KCNT2: variants seen among roughly 807,000 people sequenced by gnomAD.
KCNT2 encodes the protein potassium channel subfamily T member 2.
Under a neutral mutation model 153.8 loss-of-function variants are expected in KCNT2, and 67 were observed. The observed-to-expected ratio is 0.44, with a 90% CI of 0.36 to 0.53. The LOEUF is 0.53. KCNT2 is among the 20% of genes least tolerant of loss of function. The pLI is 0.00. For synonymous variants in KCNT2, 500 were observed against 458.8 expected (o/e 1.09, Z -1.15); for missense variants, 975 against 1,354.8 (o/e 0.72, Z 4.40).
intron 1 of KCNT2, among the ~76,000 whole-genome samples, chr1:196,590,619 G>A (rs1663227484): frequency 6.6e-6 from 1 of 152,132 alleles, no homozygotes; most frequent in South Asian, 2.1e-4. Flanking sequence ...TTTTTGGTGA[G>A]GAGGTTGGGG....
At chr1:196,306,254 T>C (rs988818197) in intron 21 of KCNT2, among the ~76,000 whole-genome samples, 3 of 152,118 alleles carry the variant, frequency 2.0e-5, no homozygotes, top group African/African-American at 7.2e-5. Flanking sequence ...CATCACTAGG[T>C]TGAACTCATC....
At chr1:196,504,675 G>A (rs1323106077) in intron 1 of KCNT2, among the ~76,000 whole-genome samples, 1 of 152,096 alleles carries the variant, frequency 6.6e-6, no homozygotes, top group South Asian at 2.1e-4. Flanking sequence ...CTTCCACAAT[G>A]GTTGAACTAG....
chr1:196,369,369 C>T (rs1668317274), intron 14 of KCNT2, among the ~76,000 whole-genome samples: 1 of 151,832 alleles, frequency 6.6e-6, no homozygotes, highest in Admixed American at 6.6e-5. Flanking sequence ...TACATGTGCA[C>T]ATTGTGCAGG....
chr1:196,492,917 G>T (rs1679964784), intron 1 of KCNT2, among the ~76,000 whole-genome samples: 1 of 152,042 alleles, frequency 6.6e-6, no homozygotes, highest in Non-Finnish European at 1.5e-5. Flanking sequence ...AGTAGCAGTG[G>T]CAAATAGAAC....
intron 22 of KCNT2, among the ~76,000 whole-genome samples, chr1:196,286,509 G>A (rs1659668540): frequency 6.6e-6 from 1 of 151,906 alleles, no homozygotes; most frequent in South Asian, 2.1e-4. Flanking sequence ...GACTAAAACA[G>A]GCTTTGTACA....
At chr1:196,515,893 T>C (rs1572698634) in intron 1 of KCNT2, among the ~76,000 whole-genome samples, 1 of 152,172 alleles carries the variant, frequency 6.6e-6, no homozygotes. Context: ...CAGGGACCCA[T>C]GCTTCTCCCA....
chr1:196,407,533 G>T (rs1572343763), intron 12 of KCNT2, among the ~76,000 whole-genome samples: 1 of 151,314 alleles, frequency 6.6e-6, no homozygotes. Context: ...TCTCCCAAAA[G>T]AATCTAAGGT....
chr1:196,453,831 C>T (rs999894716), intron 8 of KCNT2, among the ~76,000 whole-genome samples: 3 of 151,994 alleles, frequency 2.0e-5, no homozygotes, highest in South Asian at 4.2e-4. Flanking sequence ...GTGCCCACCC[C>T]CAAATGTAAT....
intron 13 of KCNT2, among the ~76,000 whole-genome samples, chr1:196,378,288 T>C (rs1669143109): frequency 1.3e-5 from 2 of 152,196 alleles, no homozygotes; most frequent in South Asian, 4.1e-4. Context: ...CTTCCTCTAC[T>C]ATTGTGTATC....
chr1:196,600,116 G>A (rs1166518451), intron 1 of KCNT2, among the ~76,000 whole-genome samples: 1 of 152,134 alleles, frequency 6.6e-6, no homozygotes, highest in Admixed American at 6.5e-5. Context: ...TAAGGAGTCA[G>A]GGTCAGAAAT....
chr1:196,254,588 T>C (rs1459400720), intron 26 of KCNT2, among the ~76,000 whole-genome samples: 3 of 151,524 alleles, frequency 2.0e-5, no homozygotes, highest in African/African-American at 7.2e-5. Flanking sequence ...ATATTTGATT[T>C]ATTCGTTAAA....
At chr1:196,309,425 T>C (rs1307780538) in intron 21 of KCNT2, among the ~76,000 whole-genome samples, 2 of 151,938 alleles carry the variant, frequency 1.3e-5, no homozygotes, top group African/African-American at 4.8e-5. Flanking sequence ...AGTGAAAATA[T>C]GGTTGAGTGA....
intron 16 of KCNT2, among the ~76,000 whole-genome samples, chr1:196,339,520 C>CACACAGAGAGAGAG (rs1005738965): frequency 1.5e-5 from 2 of 137,908 alleles, no homozygotes; most frequent in Non-Finnish European, 3.1e-5. Context: ...CACACACACA[C>CACACAGAGAGAGAG]AGAGAGAGAG....
intron 1 of KCNT2, among the ~76,000 whole-genome samples, chr1:196,587,331 A>G (rs1271820919): frequency 1.3e-5 from 2 of 152,036 alleles, no homozygotes; most frequent in East Asian, 3.9e-4. Context: ...ACAACTAGAG[A>G]GATTACATAA....
intron 8 of KCNT2, among the ~76,000 whole-genome samples, chr1:196,453,822 T>C (rs1220150118): frequency 6.6e-6 from 1 of 151,988 alleles, no homozygotes; most frequent in East Asian, 1.9e-4. Context: ...CTCCCATCTG[T>C]GCCCACCCCC....
intron 8 of KCNT2, among the ~76,000 whole-genome samples, chr1:196,452,901 C>T (rs985950486): frequency 6.6e-6 from 1 of 151,726 alleles, no homozygotes; most frequent in Non-Finnish European, 1.5e-5. Flanking sequence ...GGGCAGTCTG[C>T]CTTACTCTAC....
intron 19 of KCNT2, among the ~76,000 whole-genome samples, chr1:196,325,648 G>C (rs1201714748): frequency 6.6e-6 from 1 of 152,038 alleles, no homozygotes; most frequent in East Asian, 1.9e-4. Context: ...CCAAGTTTCT[G>C]TTCCCCTTCA....
At chr1:196,499,175 A>G (rs1426365155) in intron 1 of KCNT2, among the ~76,000 whole-genome samples, 1 of 152,172 alleles carries the variant, frequency 6.6e-6, no homozygotes, top group Non-Finnish European at 1.5e-5. Context: ...ACAAGGAAAG[A>G]TCCTCTCCTA....
chr1:196,369,312 T>G (rs982521497), intron 14 of KCNT2, among the ~76,000 whole-genome samples: 1 of 152,130 alleles, frequency 6.6e-6, no homozygotes. Flanking sequence ...AATAAATTTT[T>G]TTTTATTTAT....
Sources: gnomAD v4.1 joint callset for allele counts (sites outside exome capture counted in the v4.1 genomes callset) on GRCh38, gnomAD v4.1.1 for gene constraint, MANE v1.5 for transcripts, NCBI Gene and HGNC (gene_info 2026-07-23, HGNC 2026-07-21) for gene names.